Variants in THEMIS observed in about 807,000 individuals in gnomAD.
THEMIS encodes the protein protein THEMIS.
In THEMIS, 37 loss-of-function variants were observed where a neutral mutation model predicts 52.6. The ratio of observed to expected loss-of-function variants is 0.70; its 90% CI spans 0.54 to 0.93. The LOEUF (loss-of-function observed/expected upper bound fraction) is 0.93. Ranked by LOEUF, THEMIS falls within the 40% of genes least tolerant of loss-of-function variation. The pLI is 0.00. For missense variants in THEMIS, 808 were observed against 763.1 expected, an observed-to-expected ratio of 1.06 and a Z score of -0.69; for synonymous variants, 292 against 272.7, an observed-to-expected ratio of 1.07 and a Z score of -0.70.
intron 1 of THEMIS, among the ~76,000 whole-genome samples, chr6:127,907,336 G>GTTTTTTTTTTTTT (rs1444629822): frequency 1.0e-4 from 3 of 28,614 alleles, no homozygotes; most frequent in African/African-American, 1.1e-4. Flanking sequence ...ATTAGGCTCG[G>GTTTTTTTTTTTTT]ATTTTTTTTT....
At chr6:127,735,142 G>A (rs993342066) in intron 4 of THEMIS, among the ~76,000 whole-genome samples, 1 of 151,672 alleles carries the variant, frequency 6.6e-6, no homozygotes, top group Non-Finnish European at 1.5e-5. Flanking sequence ...TACTACTCTG[G>A]AAGCTAAAAC....
chr6:127,698,559 T>G, the THEMIS span, among the ~76,000 whole-genome samples: 9 of 152,090 alleles, frequency 5.9e-5, no homozygotes, highest in Non-Finnish European at 5.9e-5. Context: ...GTGAGTTTTC[T>G]CCTCCTGTTA....
At chr6:127,911,269 T>TA (rs1296284849) in intron 1 of THEMIS, among the ~76,000 whole-genome samples, 2 of 151,320 alleles carry the variant, frequency 1.3e-5, no homozygotes, top group Non-Finnish European at 2.9e-5. Context: ...GGGAGGAACT[T>TA]ACACTGTAGC....
intron 2 of THEMIS, among the ~76,000 whole-genome samples, chr6:127,850,091 A>G (rs1475342459): frequency 1.3e-5 from 2 of 152,096 alleles, no homozygotes; most frequent in Non-Finnish European, 2.9e-5. Context: ...ATGAACAGCT[A>G]TTTCTCAAAA....
At chr6:127,888,872 C>T (rs944404105) in intron 1 of THEMIS, among the ~76,000 whole-genome samples, 2 of 152,050 alleles carry the variant, frequency 1.3e-5, no homozygotes, top group Non-Finnish European at 2.9e-5. Flanking sequence ...ACCCAAGTAA[C>T]TTCCCTGACA....
chr6:127,752,114 A>G (rs1252900012), intron 4 of THEMIS, among the ~76,000 whole-genome samples: 1 of 151,814 alleles, frequency 6.6e-6, no homozygotes, highest in Non-Finnish European at 1.5e-5. Context: ...CTTGGGACAA[A>G]CAAAAATGAA....
intron 1 of THEMIS, among the ~76,000 whole-genome samples, chr6:127,861,811 G>GAAAAAA (rs11454909): frequency 8.8e-6 from 1 of 114,164 alleles, no homozygotes; most frequent in African/African-American, 3.2e-5. Context: ...AAAAAGAAAA[G>GAAAAAA]AAAGAAAAGA....
intron 1 of THEMIS, among the ~76,000 whole-genome samples, chr6:127,862,095 T>C (rs1779822381): frequency 6.6e-6 from 1 of 152,068 alleles, no homozygotes; most frequent in African/African-American, 2.4e-5. Context: ...AAGGATGTAG[T>C]CTCAAGGAGT....
At chr6:127,802,809 A>G (rs1777580350) in intron 4 of THEMIS, among the ~76,000 whole-genome samples, 1 of 152,198 alleles carries the variant, frequency 6.6e-6, no homozygotes, top group South Asian at 2.1e-4. Flanking sequence ...TTCCCCAAGG[A>G]GACCTCTAGC....
At chr6:127,743,952 GTAGA>G (rs2114292373) in intron 4 of THEMIS, among the ~76,000 whole-genome samples, 1 of 152,106 alleles carries the variant, frequency 6.6e-6, no homozygotes, top group Admixed American at 6.6e-5. Flanking sequence ...TCTAGGAAAA[GTAGA>G]TAGTAAAGAC....
intron 1 of THEMIS, among the ~76,000 whole-genome samples, chr6:127,869,801 C>T (rs1008604121): frequency 9.2e-5 from 14 of 152,168 alleles, no homozygotes; most frequent in Non-Finnish European, 1.9e-4. Flanking sequence ...ACATCCTATA[C>T]AACAACAACA....
chr6:127,824,120 C>A (rs539277076), intron 3 of THEMIS, among the ~76,000 whole-genome samples: 2 of 152,154 alleles, frequency 1.3e-5, no homozygotes, highest in African/African-American at 4.8e-5. Context: ...ATGGTTAAAC[C>A]CAGGTCTCCA....
At chr6:127,850,728 T>A (rs1417070104) in intron 2 of THEMIS, among the ~76,000 whole-genome samples, 1 of 151,624 alleles carries the variant, frequency 6.6e-6, no homozygotes, top group South Asian at 2.1e-4. Context: ...ATTTGGGGAC[T>A]TAGCGGGGAA....
intron 5 of THEMIS, among the ~76,000 whole-genome samples, chr6:127,716,694 G>A (rs1201764717): frequency 6.6e-6 from 1 of 151,912 alleles, no homozygotes; most frequent in Non-Finnish European, 1.5e-5. Context: ...TCAACCCAGG[G>A]AACTGGATGC....
intron 1 of THEMIS, among the ~76,000 whole-genome samples, chr6:127,906,889 G>T (rs930590309): frequency 6.6e-6 from 1 of 151,448 alleles, no homozygotes; most frequent in Admixed American, 6.6e-5. Flanking sequence ...ATACCAATTC[G>T]TTTGTTAGAT....
intron 4 of THEMIS, among the ~76,000 whole-genome samples, chr6:127,774,450 A>T (rs1776491116): frequency 1.3e-5 from 2 of 152,014 alleles, no homozygotes. Context: ...CATGATCCAC[A>T]TGTCTCGGCC....
At chr6:127,700,895 A>G in the THEMIS span, among the ~76,000 whole-genome samples, 2 of 152,062 alleles carry the variant, frequency 1.3e-5, no homozygotes, top group African/African-American at 4.8e-5. Flanking sequence ...CAGAAATATA[A>G]CATTGTCAAT....
rs543886300 is a variant in THEMIS at position 127,710,670 on chromosome 6, G to A, written c.1895-654C>T. Reference sequence around the variant, plus strand: ...TCTCAAATAAAGCAAGCTACGCTACGAATAGGAATTGTGCCTATCTTCAGG... The same window carrying A: ...TCTCAAATAAAGCAAGCTACGCTACAAATAGGAATTGTGCCTATCTTCAGG... On this transcript the variant is annotated intron_variant, in intron 5 of 5. Coordinates refer to ENST00000368248, the MANE Select transcript of THEMIS (RefSeq NM_001010923.3). Among the ~76,000 whole-genome samples, 195 of 152,078 alleles carry A rather than the reference G, an allele frequency of 1.3e-3. 1 individual carries two copies. Among genetic ancestry groups the A allele is most frequent in the African/African-American group, 4.6e-3 (191 of 41,522 alleles).
rs536184851 is a variant in THEMIS, at chr6:127,710,389, C to T, written c.1895-373G>A. ...GAAGTTGAGACCTGCCCAGCAATCA[C>T]ATAGCTAGTAAGAAGATGAAGCTGA... is the stretch of plus-strand genomic sequence containing the variant. On this transcript the variant is annotated intron_variant, in intron 5 of 5. Transcript: ENST00000368248. Among the ~76,000 whole-genome samples the T allele has an allele frequency of 5.9e-5, 9 of 152,086 alleles. No homozygotes were observed. The East Asian group carries it at 1.6e-3, about 26-fold the overall frequency.
Sources: allele counts gnomAD v4.1 joint callset (sites outside exome capture counted in the v4.1 genomes callset), GRCh38; gene constraint gnomAD v4.1.1; transcripts MANE v1.5; gene names NCBI Gene and HGNC (gene_info 2026-07-23, HGNC 2026-07-21).